The following USP32 variants were observed in gnomAD, a reference collection of about 807,000 sequenced individuals.
The protein encoded by USP32 is ubiquitin carboxyl-terminal hydrolase 32.
A neutral mutation model predicts 204.8 loss-of-function variants in USP32; 59 were observed. The ratio of observed to expected loss-of-function variants is 0.29; its 90% CI spans 0.23 to 0.36. USP32 has a LOEUF of 0.36. USP32 is among the 10% of genes least tolerant of loss of function. The pLI is 1.00. For synonymous variants in USP32, 517 were observed against 678.4 expected (o/e 0.76, Z 3.70); for missense variants, 1,160 against 1,946.4 (o/e 0.60, Z 7.60).
intron 29 of USP32, 154 bp from the exon 30 acceptor site, chr17:60,185,805 T>C (rs928013085): frequency 4.2e-5 from 38 of 900,768 alleles, no homozygotes; most frequent in Non-Finnish European, 5.1e-5. Flanking sequence ...CTCATGCCTG[T>C]AATCCCAGCA....
At chr17:60,210,497 G>A (rs1319014616) in intron 21 of USP32, among the ~76,000 whole-genome samples, 1 of 152,118 alleles carries the variant, frequency 6.6e-6, no homozygotes, top group Non-Finnish European at 1.5e-5. Context: ...AGTAGAGACA[G>A]GGTTTCGCCA....
chr17:60,189,164 A>G lies in USP32; in HGVS notation c.3642+1399T>C, dbSNP rs552929675. ...TTTTCCCTCCTTGCTAGTGAGCATG[A>G]TCTAGAACATTAGTTTCTCTTCAGC... On this transcript the variant is annotated intron_variant, in intron 29 of 33. Transcript: ENST00000300896. Among the ~76,000 whole-genome samples, 21 of 152,356 alleles carry G rather than the reference A, an allele frequency of 1.4e-4. 1 individual carries two copies. In the South Asian group the frequency reaches 4.3e-3, roughly 32 times the overall value.
At chr17:60,349,752 A>C (rs1325939109) in intron 1 of USP32, among the ~76,000 whole-genome samples, 2 of 147,222 alleles carry the variant, frequency 1.4e-5, no homozygotes. Flanking sequence ...GTACATATAA[A>C]TAAGCTTTTA....
rs201605753 is a variant in USP32 at position 60,422,032 on chromosome 17, A to AGCACCCG, written c.106+213_106+214insCGGGTGC. ...ACCCAGTACCCAGCACCCAGCACCC[A>AGCACCCG]GCACGGAGGGCTTATTATTAACAAC... is the stretch of plus-strand genomic sequence containing the variant. On this transcript the variant is annotated intron_variant, in intron 1 of 3. Transcript: ENST00000588898. 30 of 846,952 alleles carry AGCACCCG rather than the reference A, an allele frequency of 3.5e-5. No homozygotes were observed. The African/African-American group carries it at 5.3e-4, about 15-fold the overall frequency. The allele number at this position is 846,952 out of a possible 1,614,324, so 52.5% of individuals were successfully genotyped here. A position where few individuals can be genotyped will look rare whatever the true frequency, so the allele number is the denominator to read the frequency against.
chr17:60,183,202 T>C lies in USP32; in HGVS notation c.4086A>G (p.Pro1362=). The C allele has an allele frequency of 3.1e-6, 5 of 1,613,962 alleles. No homozygotes were observed. The highest frequency in any genetic ancestry group is 4.2e-6 in the Non-Finnish European group (5 of 1,179,846). ...TGATGATGTTAGCGCTGAGTGAGGA[T>C]GGGCTTTTGCTCAGGAGCACGTCCT... ...GEEDVLLSKS[P]SSLSANIISS... The change falls in exon 31 of 34, where the codon CCA becomes CCG. Residue 1362 remains proline, a synonymous_variant. Coordinates refer to ENST00000300896, the MANE Select transcript of USP32 (RefSeq NM_032582.4).
upstream of USP32, among the ~76,000 whole-genome samples, chr17:60,393,886 G>A (rs1011716840): frequency 6.6e-6 from 1 of 152,068 alleles, no homozygotes; most frequent in African/African-American, 2.4e-5. Flanking sequence ...GTTTCTCCAT[G>A]TTGGTCAGGC....
intron 1 of USP32, among the ~76,000 whole-genome samples, chr17:60,388,018 T>C (rs2089761350): frequency 6.6e-6 from 1 of 152,240 alleles, no homozygotes; most frequent in South Asian, 2.1e-4. Context: ...ACCCAAGCTA[T>C]ATGATCCTAG....
At chr17:60,192,682 C>G (rs529377883) in intron 28 of USP32, among the ~76,000 whole-genome samples, 162 bp downstream of exon 28, 1 of 152,328 alleles carries the variant, frequency 6.6e-6, no homozygotes, top group African/African-American at 2.4e-5. Flanking sequence ...ACCTCGGCTT[C>G]CCAAAGTGAT....
intron 1 of USP32, among the ~76,000 whole-genome samples, chr17:60,374,790 AC>A (rs1231324134): frequency 6.6e-6 from 1 of 152,256 alleles, no homozygotes; most frequent in African/African-American, 2.4e-5. Flanking sequence ...CTACGATGTC[AC>A]TAGGCAATAG....
At position 60,276,966 on chromosome 17, in the gene USP32, T is replaced by TATATATATATATAA. The variant is rs60544670; in HGVS notation, c.572-5486_572-5485insTTATATATATATAT. Among the ~76,000 whole-genome samples the TATATATATATATAA allele has an allele frequency of 5.6e-3, 834 of 149,832 alleles. 13 individuals carry two copies. The highest frequency in any genetic ancestry group is 0.019 in the African/African-American group (774 of 40,298). On this transcript the variant is annotated intron_variant, in intron 5 of 33. Coordinates refer to ENST00000300896, the MANE Select transcript of USP32 (RefSeq NM_032582.4). ...ATATACATATATATATATATATATA[T>TATATATATATATAA]AAAATTACCAAACATTTTACATGAA... is the stretch of plus-strand genomic sequence containing the variant.
At chr17:60,286,432 A>T (rs1172128489) in intron 5 of USP32, among the ~76,000 whole-genome samples, 1 of 152,214 alleles carries the variant, frequency 6.6e-6, no homozygotes, top group Non-Finnish European at 1.5e-5. Context: ...GAGGCAAAGA[A>T]TGGGAGATGC....
chr17:60,330,793 T>A (rs2088361616), intron 2 of USP32, among the ~76,000 whole-genome samples: 1 of 152,136 alleles, frequency 6.6e-6, no homozygotes, highest in South Asian at 2.1e-4. Context: ...TAAACCCAAA[T>A]ATAACTTCAT....
intron 1 of USP32, among the ~76,000 whole-genome samples, chr17:60,372,065 G>A (rs749390138): frequency 9.9e-5 from 15 of 152,130 alleles, no homozygotes; most frequent in Non-Finnish European, 1.8e-4. Context: ...AGAGGGGAAG[G>A]GGAAGTGGCT....
chr17:60,268,250 T>A (rs867501799), intron 7 of USP32, among the ~76,000 whole-genome samples: 9 of 152,190 alleles, frequency 5.9e-5, no homozygotes, highest in Admixed American at 4.6e-4. Context: ...TAAAACAAAA[T>A]TTTTTAAGAC....
At chr17:60,344,446 T>A (rs1207528083) in intron 2 of USP32, among the ~76,000 whole-genome samples, 2 of 152,086 alleles carry the variant, frequency 1.3e-5, no homozygotes, top group African/African-American at 4.8e-5. Flanking sequence ...TATTATCTTA[T>A]AAAATTTATT....
chr17:60,192,594 C>T (rs192149164), intron 28 of USP32, among the ~76,000 whole-genome samples: 1 of 152,038 alleles, frequency 6.6e-6, no homozygotes, highest in African/African-American at 2.4e-5. Context: ...ATCACCACGC[C>T]CCGCTAATTT....
chr17:60,258,237 G>A (rs780300305), intron 9 of USP32: 2 of 165,190 alleles, frequency 1.2e-5, no homozygotes, highest in African/African-American at 2.4e-5. Context: ...TGAACATTAC[G>A]TTCACTTAAT....
At chr17:60,351,882 A>T (rs977984097) in intron 1 of USP32, among the ~76,000 whole-genome samples, 12 of 152,208 alleles carry the variant, frequency 7.9e-5, no homozygotes, top group African/African-American at 2.9e-4. Flanking sequence ...TATTCAATGG[A>T]GTTCCAAAAT....
chr17:60,256,928 C>A, intron 9 of USP32: 1 of 368,680 alleles, frequency 2.7e-6, no homozygotes, highest in Non-Finnish European at 5.1e-6. Context: ...TGACCAACAA[C>A]GTGATTTCAT....
Sources: allele counts gnomAD v4.1 joint callset (sites outside exome capture counted in the v4.1 genomes callset), GRCh38; gene constraint gnomAD v4.1.1; transcripts MANE v1.5; gene names NCBI Gene and HGNC (gene_info 2026-07-23, HGNC 2026-07-21).